Variants in PTPRZ1 observed in about 807,000 individuals in gnomAD.
PTPRZ1 encodes the protein receptor-type tyrosine-protein phosphatase zeta.
In PTPRZ1, 82 loss-of-function variants were observed where a neutral mutation model predicts 214.1. That is an observed-to-expected ratio of 0.38 (90% CI 0.32 to 0.46). The LOEUF (loss-of-function observed/expected upper bound fraction) is 0.46, where lower values mean the gene tolerates loss of function less well. PTPRZ1 is among the 20% of genes least tolerant of loss of function. The probability of loss-of-function intolerance (pLI) is 1.00; values close to 1 mark genes in which losing one functional copy is unlikely to be tolerated. For synonymous variants in PTPRZ1, 945 were observed against 987.9 expected (o/e 0.96, Z 0.81); for missense variants, 2,603 against 2,748.7 (o/e 0.95, Z 1.19).
chr7:122,025,294 A>G (rs1009389149), intron 13 of PTPRZ1, among the ~76,000 whole-genome samples: 13 of 151,748 alleles, frequency 8.6e-5, no homozygotes, highest in Non-Finnish European at 1.8e-4. Context: ...TAGATTGATT[A>G]GGTGTATTTT....
chr7:122,027,193 A>G (rs1799228233), intron 13 of PTPRZ1, among the ~76,000 whole-genome samples: 1 of 152,118 alleles, frequency 6.6e-6, no homozygotes, highest in Non-Finnish European at 1.5e-5. Flanking sequence ...AGGAGGCAGG[A>G]AGCCAGGGGG....
chr7:121,953,825 C>T (rs1796629897), intron 2 of PTPRZ1, among the ~76,000 whole-genome samples: 1 of 152,068 alleles, frequency 6.6e-6, no homozygotes, highest in Non-Finnish European at 1.5e-5. Context: ...TCCCCTTCTT[C>T]CCAGCCACCC....
intron 2 of PTPRZ1, among the ~76,000 whole-genome samples, chr7:121,959,247 C>G (rs1361865704): frequency 6.6e-6 from 1 of 152,172 alleles, no homozygotes; most frequent in Non-Finnish European, 1.5e-5. Context: ...ATCAGCCAGA[C>G]TTGAAAAGAT....
chr7:122,011,919 A>G lies in PTPRZ1; in HGVS notation c.2873A>G (p.Tyr958Cys). Residue 958 changes from tyrosine (Y) to cysteine (C), a missense_variant, in exon 12 of 30, where the codon TAT (tyrosine) becomes TGT (cysteine). Physicochemically the swap from Tyr to Cys is radical, Grantham distance 194 (BLOSUM62 -2). Transcript: ENST00000393386. ...IPVHDSVGVTYQGSLFSGPSH... is the reference protein window; with the variant it reads ...IPVHDSVGVTCQGSLFSGPSH... ...GTGCATGATTCTGTGGGTGTAACTTATCAGGGTTCCTTATTTAGCGGCCCT... is the reference window on the plus strand; with the variant it reads ...GTGCATGATTCTGTGGGTGTAACTTGTCAGGGTTCCTTATTTAGCGGCCCT... 1 of 1,614,226 alleles carries G rather than the reference A, an allele frequency of 6.2e-7. No individual in the cohort carries two copies. The highest frequency in any genetic ancestry group is 8.5e-7 in the Non-Finnish European group (1 of 1,180,028).
intron 12 of PTPRZ1, among the ~76,000 whole-genome samples, chr7:122,015,279 CAA>C (rs1453227381): frequency 6.6e-6 from 1 of 152,068 alleles, no homozygotes; most frequent in Admixed American, 6.6e-5. Flanking sequence ...GCTAATGTAA[CAA>C]AATGCACTCA....
At chr7:122,017,553 T>TTATTTATC (rs1341606835) in intron 12 of PTPRZ1, among the ~76,000 whole-genome samples, 1 of 149,542 alleles carries the variant, frequency 6.7e-6, no homozygotes, top group Non-Finnish European at 1.5e-5. Context: ...ATTTATTTAT[T>TTATTTATC]TATTTATTTA....
At chr7:121,937,387 G>T (rs781519635) in intron 2 of PTPRZ1, among the ~76,000 whole-genome samples, 1 of 152,146 alleles carries the variant, frequency 6.6e-6, no homozygotes, top group Non-Finnish European at 1.5e-5. Context: ...AGTGGAGCCT[G>T]GCACCAGGAG....
chr7:121,949,352 G>A (rs1796484396), intron 2 of PTPRZ1, among the ~76,000 whole-genome samples: 1 of 152,068 alleles, frequency 6.6e-6, no homozygotes, highest in Non-Finnish European at 1.5e-5. Context: ...AGTGATTTGG[G>A]GGCCCCAAGT....
At chr7:121,981,261 A>C (rs1012379495) in intron 6 of PTPRZ1, among the ~76,000 whole-genome samples, 1 of 152,194 alleles carries the variant, frequency 6.6e-6, no homozygotes, top group African/African-American at 2.4e-5. Flanking sequence ...GCTTTTTAAA[A>C]ATCTAGATGC....
At chr7:121,998,561 T>C (rs1798216350) in intron 10 of PTPRZ1, among the ~76,000 whole-genome samples, 1 of 152,144 alleles carries the variant, frequency 6.6e-6, no homozygotes, top group Non-Finnish European at 1.5e-5. Flanking sequence ...CAAACAAAAG[T>C]TGTTTCTACT....
At position 121,972,576 on chromosome 7, in the gene PTPRZ1, G is replaced by A. The variant is rs1195169687; in HGVS notation, c.340G>A (p.Gly114Arg). The A allele has an allele frequency of 5.0e-6, 8 of 1,613,028 alleles. No individual in the cohort carries two copies. Among genetic ancestry groups the A allele is most frequent in the Admixed American group, 3.3e-5 (2 of 59,912 alleles). Reference protein sequence around the residue: ...INLTNDYRVSGGVSEMVFKAS... With the variant: ...INLTNDYRVSRGVSEMVFKAS... The stretch of plus-strand genomic sequence containing the variant: ...TCTCACTAATGACTACCGTGTCAGC[G>A]GAGGAGTTTCAGAAATGGTGTTTAA... The change falls in exon 4 of 30, where the codon GGA (glycine) becomes AGA (arginine). Residue 114 changes from glycine to arginine, a missense_variant. Physicochemically the swap from Gly to Arg is moderately radical, Grantham distance 125. This residue lies in a region of PTPRZ1 where 141 missense variants were observed against 143.7 expected (regional missense o/e 0.98). Transcript: ENST00000393386.
chr7:121,909,463 A>G (rs1212317430), intron 1 of PTPRZ1, among the ~76,000 whole-genome samples: 2 of 152,186 alleles, frequency 1.3e-5, no homozygotes. Context: ...CAGACAATAT[A>G]TTAATCCATA....
intron 2 of PTPRZ1, among the ~76,000 whole-genome samples, chr7:121,960,212 T>C (rs1796834026): frequency 1.3e-5 from 2 of 152,292 alleles, no homozygotes; most frequent in South Asian, 4.1e-4. Flanking sequence ...CTAATTTTTT[T>C]GTATTTTTAG....
At chr7:122,048,846 A>C (rs1293009439) in intron 23 of PTPRZ1, among the ~76,000 whole-genome samples, 1 of 152,150 alleles carries the variant, frequency 6.6e-6, no homozygotes, top group Non-Finnish European at 1.5e-5. Flanking sequence ...AGCATAAAAA[A>C]TCCAGGTGGA....
At chr7:121,926,335 T>G (rs1234078556) in intron 1 of PTPRZ1, among the ~76,000 whole-genome samples, 1 of 150,568 alleles carries the variant, frequency 6.6e-6, no homozygotes, top group Non-Finnish European at 1.5e-5. Flanking sequence ...ATTACAATAT[T>G]CTTAAAGTAA....
intron 17 of PTPRZ1, 84 bp from the exon 18 acceptor site, chr7:122,036,516 A>C: frequency 1.1e-6 from 1 of 940,774 alleles, no homozygotes; most frequent in South Asian, 1.6e-5. Context: ...AATTGAATGA[A>C]ATAAATTATT....
intron 2 of PTPRZ1, 73 bp downstream of exon 2, chr7:121,928,294 GGAAGC>G (rs1232758130): frequency 1.0e-5 from 12 of 1,174,582 alleles, no homozygotes; most frequent in Non-Finnish European, 1.3e-5. Flanking sequence ...ATATATAAAA[GGAAGC>G]TTTGTAGCAC....
intron 21 of PTPRZ1, among the ~76,000 whole-genome samples, chr7:122,042,126 T>C (rs1432434285): frequency 2.0e-5 from 3 of 152,216 alleles, no homozygotes; most frequent in African/African-American, 7.2e-5. Flanking sequence ...AATGATATTT[T>C]CAGCAGAAAG....
chr7:121,893,964 A>C (rs1794713088), intron 1 of PTPRZ1, among the ~76,000 whole-genome samples: 1 of 152,192 alleles, frequency 6.6e-6, no homozygotes, highest in Admixed American at 6.6e-5. Context: ...TAAATGAGAA[A>C]GTGTTGAACA....
Sources: gnomAD v4.1 joint callset for allele counts (sites outside exome capture counted in the v4.1 genomes callset) on GRCh38, gnomAD v4.1.1 for gene constraint, gnomAD v4.1.1 regional missense constraint, MANE v1.5 for transcripts, NCBI Gene and HGNC (gene_info 2026-07-23, HGNC 2026-07-21) for gene names.